Variants in PREX2 observed in about 807,000 individuals in gnomAD.
PREX2 encodes the protein phosphatidylinositol 3,4,5-trisphosphate-dependent Rac exchanger 2 protein.
Under a neutral mutation model 203.2 loss-of-function variants are expected in PREX2, and 107 were observed. That is an observed-to-expected ratio of 0.53 (90% CI 0.45 to 0.62). PREX2 has a LOEUF of 0.62. Ranked by LOEUF, PREX2 falls within the 20% of genes least tolerant of loss-of-function variation. The pLI is 0.00. For missense variants in PREX2, 1,777 were observed against 1,955.9 expected (o/e 0.91, Z 1.72); for synonymous variants, 672 against 663.6 (o/e 1.01, Z -0.19).
At chr8:68,099,404 C>T (rs184317478) in intron 22 of PREX2, among the ~76,000 whole-genome samples, 1 of 152,096 alleles carries the variant, frequency 6.6e-6, no homozygotes, top group Non-Finnish European at 1.5e-5. Context: ...AGTCCAGTTA[C>T]CTCACCAAGC....
chr8:68,185,432 C>T (rs778704005), intron 35 of PREX2, among the ~76,000 whole-genome samples: 1 of 152,092 alleles, frequency 6.6e-6, no homozygotes, highest in Non-Finnish European at 1.5e-5. Flanking sequence ...TACAGCTTTC[C>T]CAGTTTGACC....
At chr8:68,184,537 C>A (rs531401505) in intron 35 of PREX2, among the ~76,000 whole-genome samples, 1 of 152,232 alleles carries the variant, frequency 6.6e-6, no homozygotes, top group South Asian at 2.1e-4. Context: ...GAAGCAATAT[C>A]AGGAGAAGTA....
intron 26 of PREX2, 96 bp downstream of exon 26, chr8:68,116,028 T>G: frequency 9.4e-7 from 1 of 1,062,288 alleles, no homozygotes; most frequent in Non-Finnish European, 1.4e-6. Flanking sequence ...TGATTGTTTT[T>G]CTTTTAATTG....
intron 34 of PREX2, among the ~76,000 whole-genome samples, chr8:68,149,754 G>T (rs945398486): frequency 6.6e-6 from 1 of 152,160 alleles, no homozygotes; most frequent in African/African-American, 2.4e-5. Flanking sequence ...AATTAAGGCA[G>T]AATCTCTGAG....
chr8:68,090,775 T>G (rs201277431), intron 20 of PREX2, 60 bp downstream of exon 20: 1 of 505,140 alleles, frequency 2.0e-6, no homozygotes, highest in Non-Finnish European at 2.5e-6. Context: ...ACCTAAGGGG[T>G]TGAGGTGGGA....
intron 11 of PREX2, among the ~76,000 whole-genome samples, chr8:68,067,922 AG>A (rs1809068787): frequency 6.6e-6 from 1 of 152,038 alleles, no homozygotes. Flanking sequence ...TCATTATGAA[AG>A]GATGTTGAAT....
chr8:68,010,134 G>A (rs6998103), intron 1 of PREX2, among the ~76,000 whole-genome samples: 66,145 of 152,056 alleles, frequency 0.44, 17,706 homozygotes, highest in African/African-American at 0.76. Flanking sequence ...TCTACTCTTT[G>A]TGAATCTCCA....
intron 11 of PREX2, among the ~76,000 whole-genome samples, chr8:68,061,767 T>C (rs1585749142): frequency 1.3e-5 from 2 of 152,014 alleles, no homozygotes; most frequent in African/African-American, 2.4e-5. Flanking sequence ...CAGCAAGCGG[T>C]TGAGAGTTTG....
Position 68,131,322 on chromosome 8 carries a change from T to G in PREX2, c.3767-2737T>G, listed in dbSNP as rs150246157. 2.6e-5 allele frequency among the ~76,000 whole-genome samples: 4 copies of G among 152,328 alleles called. No homozygotes were observed. The East Asian group carries it at 7.7e-4, about 29-fold the overall frequency. On this transcript the variant is annotated intron_variant, in intron 31 of 39. Coordinates refer to ENST00000288368, the MANE Select transcript of PREX2 (RefSeq NM_024870.4). ...AAAAGTTAACTTGAAAAGCTCTTGA[T>G]ATAATATGTACATTTTGAATCTGTG...
intron 1 of PREX2, among the ~76,000 whole-genome samples, chr8:68,010,199 C>T (rs1807219529): frequency 6.6e-6 from 1 of 152,150 alleles, no homozygotes; most frequent in South Asian, 2.1e-4. Flanking sequence ...GACATGTATA[C>T]CAAACAACTG....
chr8:68,100,475 T>C (rs1310845136), intron 23 of PREX2, among the ~76,000 whole-genome samples: 1 of 152,180 alleles, frequency 6.6e-6, no homozygotes, highest in Non-Finnish European at 1.5e-5. Flanking sequence ...TAGGGAAGTA[T>C]GGTTTAAGTG....
chr8:68,035,713 TTTAA>T (rs1159202685), intron 6 of PREX2, among the ~76,000 whole-genome samples: 1 of 152,192 alleles, frequency 6.6e-6, no homozygotes, highest in Non-Finnish European at 1.5e-5. Flanking sequence ...TAGGGAATTA[TTTAA>T]TTACTCAAGG....
chr8:68,124,873 G>A (rs1810857617), intron 30 of PREX2, among the ~76,000 whole-genome samples: 1 of 152,080 alleles, frequency 6.6e-6, no homozygotes, highest in Non-Finnish European at 1.5e-5. Flanking sequence ...GGCTAGTTGA[G>A]TGTGGTTGGA....
chr8:68,025,002 A>G (rs184252848), intron 4 of PREX2, among the ~76,000 whole-genome samples: 3 of 152,052 alleles, frequency 2.0e-5, no homozygotes, highest in Non-Finnish European at 1.5e-5. Flanking sequence ...TATATATGTT[A>G]TAAACTTCAC....
chr8:67,954,859 G>A (rs76787861), intron 1 of PREX2, among the ~76,000 whole-genome samples: 1,896 of 152,058 alleles, frequency 0.012, 30 homozygotes, highest in African/African-American at 0.043. Flanking sequence ...AAACAAAATG[G>A]TATTACTAGC....
At chr8:68,193,346 G>A (rs1181834784) in intron 37 of PREX2, among the ~76,000 whole-genome samples, 1 of 152,130 alleles carries the variant, frequency 6.6e-6, no homozygotes, top group East Asian at 1.9e-4. Context: ...AAGTTCTGGG[G>A]TACATGCACA....
intron 22 of PREX2, among the ~76,000 whole-genome samples, chr8:68,098,987 T>G (rs1324777866): frequency 7.4e-6 from 1 of 134,894 alleles, no homozygotes; most frequent in Non-Finnish European, 1.6e-5. Flanking sequence ...TCTCACATAA[T>G]TAATTCTCAG....
intron 1 of PREX2, among the ~76,000 whole-genome samples, chr8:67,994,714 G>A (rs950256172): frequency 1.3e-5 from 2 of 152,230 alleles, no homozygotes; most frequent in East Asian, 3.9e-4. Flanking sequence ...ATTTGACCTG[G>A]TCTTCAAGAA....
intron 1 of PREX2, among the ~76,000 whole-genome samples, chr8:67,965,874 T>C (rs1396408212): frequency 6.6e-6 from 1 of 152,198 alleles, no homozygotes; most frequent in Non-Finnish European, 1.5e-5. Flanking sequence ...ATGTTATTCA[T>C]GGAAGAGCAT....
Sources: gnomAD v4.1 joint callset for allele counts (sites outside exome capture counted in the v4.1 genomes callset) on GRCh38, gnomAD v4.1.1 for gene constraint, MANE v1.5 for transcripts, NCBI Gene and HGNC (gene_info 2026-07-23, HGNC 2026-07-21) for gene names.